The following MGAM variants were observed in gnomAD, a reference collection of about 807,000 sequenced individuals.
MGAM encodes the protein maltase-glucoamylase.
Under a neutral mutation model 358.8 loss-of-function variants are expected in MGAM, and 253 were observed. The observed-to-expected ratio is 0.71, with a 90% confidence interval of 0.64 to 0.78. The LOEUF (loss-of-function observed/expected upper bound fraction) is 0.78, where lower values mean the gene tolerates loss of function less well. Ranked by LOEUF, MGAM falls within the 30% of genes least tolerant of loss-of-function variation. The pLI, the probability that MGAM is intolerant of heterozygous loss-of-function variation, is 0.00. For missense variants in MGAM, 3,080 were observed against 3,432.6 expected (o/e 0.90, Z 2.57); for synonymous variants, 1,105 against 1,227.1 (o/e 0.90, Z 2.08).
chr7:142,035,145 C>T (rs1356842926), intron 16 of MGAM, among the ~76,000 whole-genome samples: 1 of 152,098 alleles, frequency 6.6e-6, no homozygotes, highest in Non-Finnish European at 1.5e-5. Context: ...AATTTCACCA[C>T]CTGAACACAT....
At chr7:142,020,160 A>G (rs1239904371) in intron 4 of MGAM, among the ~76,000 whole-genome samples, 1 of 152,038 alleles carries the variant, frequency 6.6e-6, no homozygotes, top group African/African-American at 2.4e-5. Context: ...GGCTCTCGGT[A>G]TAAAGGAGGA....
At chr7:142,030,078 G>A in intron 10 of MGAM, 1 of 351,474 alleles carries the variant, frequency 2.8e-6, no homozygotes, top group South Asian at 3.1e-5. Context: ...GTCATAATTG[G>A]TGTTGCTTGC....
rs188496111 is a variant in MGAM, at chr7:141,988,878, T to C, written c.-2-16651T>C. ...TTCCACTCTCACCTTCCTCTGAACA[T>C]TTCTGGGCAGAGAAATTACTCCTAC... On this transcript the variant is annotated intron_variant, in intron 2 of 5. Coordinates refer to the MGAM transcript ENST00000465654. Among the ~76,000 whole-genome samples, 360 of 152,338 alleles carry C rather than the reference T, an allele frequency of 2.4e-3. 2 individuals are homozygous for C. The highest frequency in any genetic ancestry group is 0.016 in the South Asian group (76 of 4,830).
chr7:142,002,816 C>A (rs1430930843), intron 1 of MGAM, among the ~76,000 whole-genome samples: 1 of 151,928 alleles, frequency 6.6e-6, no homozygotes, highest in Non-Finnish European at 1.5e-5. Flanking sequence ...ATGGTATAAT[C>A]TTATACCTAG....
intron 20 of MGAM, 99 bp downstream of exon 20, chr7:142,040,270 A>G (rs1808390138): frequency 3.0e-6 from 3 of 989,296 alleles, no homozygotes; most frequent in Non-Finnish European, 4.7e-6. Context: ...CTACATGCTG[A>G]GGAGTAGTTT....
In MGAM at chr7:142,008,528, T is replaced by TA. The variant is rs1246636705; in HGVS notation, c.151dup (p.Thr51AsnfsTer21). Reference sequence around the variant, plus strand: ...TAGCCCCAGATCCTGGGACAACTGGTACCCCAGATCCTGGGACAACTGGTA... The same window carrying TA: ...TAGCCCCAGATCCTGGGACAACTGGTAACCCCAGATCCTGGGACAACTGGTA... On this transcript the variant is annotated frameshift_variant, in exon 3 of 71. Coordinates refer to ENST00000475668, the MANE Select transcript of MGAM (RefSeq NM_001365693.1). LOFTEE classifies it high-confidence loss of function. 1.2e-6 allele frequency: 2 copies of TA among 1,610,994 alleles called. No homozygotes were observed. The highest frequency in any genetic ancestry group is 1.7e-5 in the Admixed American group (1 of 59,698).
At chr7:142,016,544 T>A (rs537027512) in intron 3 of MGAM, among the ~76,000 whole-genome samples, 79 of 152,322 alleles carry the variant, frequency 5.2e-4, no homozygotes, top group Non-Finnish European at 2.5e-4. Context: ...GTCTCTCTAA[T>A]AATGAATTTT....
chr7:142,059,945 T>C lies in MGAM; in HGVS notation c.4038T>C (p.Asp1346=). Residue 1346 remains aspartate, a synonymous_variant, in exon 33 of 71, where the codon GAT becomes GAC. Coordinates refer to ENST00000475668, the MANE Select transcript of MGAM (RefSeq NM_001365693.1). ...ACGTCTTCATCAAATACCCAAATGA[T>C]GGAGACATTGTCTGGGGAAAGGTAT... ...EDDVFIKYPN[D]GDIVWGKVWP... 1 of 1,607,132 alleles carries C rather than the reference T, an allele frequency of 6.2e-7. No individual in the cohort carries two copies. The highest frequency in any genetic ancestry group is 1.1e-5 in the South Asian group (1 of 89,322).
At chr7:142,046,203 C>T (rs893733244) in intron 21 of MGAM, among the ~76,000 whole-genome samples, 6 of 145,336 alleles carry the variant, frequency 4.1e-5, no homozygotes, top group African/African-American at 1.0e-4. Context: ...ATGATTTTGT[C>T]TTTCTTCTTT....
intron 57 of MGAM, among the ~76,000 whole-genome samples, chr7:142,088,690 CTAT>C (rs1815005289): frequency 7.0e-5 from 10 of 142,110 alleles, no homozygotes; most frequent in South Asian, 6.9e-4. Flanking sequence ...ATCTATCTAT[CTAT>C]CTATCCATCC....
chr7:142,008,855 T>G (rs1253641805), intron 3 of MGAM, 150 bp downstream of exon 3: 2 of 816,888 alleles, frequency 2.4e-6, no homozygotes, highest in Non-Finnish European at 3.8e-6. Flanking sequence ...AATTAACCTG[T>G]GTCCATGCTT....
At chr7:142,031,081 C>G (rs1203288219) in intron 12 of MGAM, among the ~76,000 whole-genome samples, 6 of 152,146 alleles carry the variant, frequency 3.9e-5, no homozygotes, top group African/African-American at 1.2e-4. Context: ...ACCGCTCTGG[C>G]AAAAAGCACC....
chr7:142,027,321 T>G, intron 9 of MGAM, 94 bp downstream of exon 9: 1 of 1,012,034 alleles, frequency 9.9e-7, no homozygotes, highest in Non-Finnish European at 1.5e-6. Flanking sequence ...ACCCACAAAA[T>G]CTGCTGTTAC....
intron 22 of MGAM, 131 bp from the exon 23 acceptor site, chr7:142,050,104 T>C: frequency 1.3e-6 from 1 of 780,242 alleles, no homozygotes; most frequent in Non-Finnish European, 2.2e-6. Flanking sequence ...CAATTGAAAA[T>C]TATTCATCCA....
At chr7:142,003,842 GA>G (rs1179748523) in intron 1 of MGAM, among the ~76,000 whole-genome samples, 4 of 149,580 alleles carry the variant, frequency 2.7e-5, no homozygotes, top group African/African-American at 4.9e-5. Flanking sequence ...AACTCAACAG[GA>G]AAAAAAACAC....
chr7:142,026,567 C>G (rs1806990147), intron 8 of MGAM, among the ~76,000 whole-genome samples: 1 of 152,058 alleles, frequency 6.6e-6, no homozygotes, highest in Middle Eastern at 3.2e-3. Context: ...TAGGAGAGAA[C>G]AAATGACATT....
At chr7:142,088,823 AT>A (rs1815068023) in intron 57 of MGAM, among the ~76,000 whole-genome samples, 1 of 15,852 alleles carries the variant, frequency 6.3e-5, no homozygotes, top group African/African-American at 2.2e-4. Flanking sequence ...TCTATGTACC[AT>A]CTATCTATCT....
chr7:142,060,388 G>A lies in MGAM; in HGVS notation c.4122+15G>A. 4.3e-6 allele frequency: 7 copies of A among 1,613,588 alleles called. No homozygotes were observed. Among genetic ancestry groups the A allele is most frequent in the Non-Finnish European group, 5.9e-6 (7 of 1,179,462 alleles). On this transcript the variant is annotated intron_variant, in intron 34 of 70. Transcript: ENST00000475668. Reference sequence around the variant, plus strand: ...GCCAAGTGGAGGTAAAAGGGTGTTTGTAAATTTGGGTGGAGTCAGGGTTTG... The same window carrying A: ...GCCAAGTGGAGGTAAAAGGGTGTTTATAAATTTGGGTGGAGTCAGGGTTTG...
chr7:142,101,992 C>G (rs1018762657), intron 68 of MGAM, among the ~76,000 whole-genome samples: 2 of 150,642 alleles, frequency 1.3e-5, no homozygotes, highest in Admixed American at 6.6e-5. Context: ...GTGACAGCCA[C>G]GAGGGCAGGG....
Sources: gnomAD v4.1 joint callset for allele counts (sites outside exome capture counted in the v4.1 genomes callset) on GRCh38, gnomAD v4.1.1 for gene constraint, MANE v1.5 for transcripts, NCBI Gene and HGNC (gene_info 2026-07-23, HGNC 2026-07-21) for gene names.